Variants in DYNC1LI1 observed in about 807,000 individuals in gnomAD.
DYNC1LI1 encodes cytoplasmic dynein 1 light intermediate chain 1.
A neutral mutation model predicts 63.8 loss-of-function variants in DYNC1LI1; 19 were observed. That is an observed-to-expected ratio of 0.30 (90% CI 0.21 to 0.44). DYNC1LI1 has a LOEUF of 0.44. Ranked by LOEUF, DYNC1LI1 falls within the 20% of genes least tolerant of loss-of-function variation. The pLI, the probability that DYNC1LI1 is intolerant of heterozygous loss-of-function variation, is 1.00. For missense variants in DYNC1LI1, 565 were observed against 630.2 expected, an observed-to-expected ratio of 0.90 and a Z score of 1.11; for synonymous variants, 225 against 232.3, an observed-to-expected ratio of 0.97 and a Z score of 0.28.
At chr3:32,559,642 T>G (rs909075562) in intron 2 of DYNC1LI1, among the ~76,000 whole-genome samples, 6 of 152,320 alleles carry the variant, frequency 3.9e-5, no homozygotes, top group Middle Eastern at 3.4e-3. Context: ...CACATAATAC[T>G]TTAATGATAA....
chr3:32,533,231 A>C, intron 7 of DYNC1LI1, 134 bp from the exon 8 acceptor site: 1 of 1,335,672 alleles, frequency 7.5e-7, no homozygotes, highest in Non-Finnish European at 9.6e-7. Flanking sequence ...GCTTTTCATT[A>C]TGATGTCCAC....
chr3:32,547,448 T>C (rs995724224), intron 2 of DYNC1LI1, among the ~76,000 whole-genome samples: 7 of 152,206 alleles, frequency 4.6e-5, no homozygotes, highest in South Asian at 4.1e-4. Context: ...AATTTAAAAA[T>C]TGTCTTCATT....
chr3:32,552,639 CAT>C (rs1458896776), intron 2 of DYNC1LI1, among the ~76,000 whole-genome samples: 22 of 152,180 alleles, frequency 1.4e-4, no homozygotes, highest in African/African-American at 4.8e-4. Flanking sequence ...CTAAAAAGCA[CAT>C]GTGACAAACG....
intron 7 of DYNC1LI1, 22 bp downstream of exon 7, chr3:32,534,489 A>G: frequency 6.6e-7 from 1 of 1,507,632 alleles, no homozygotes. Context: ...TGATAAAATT[A>G]TATATTTAAG....
rs1195958030 is a variant in DYNC1LI1, at chr3:32,528,716, T to C, written c.1307-115A>G. 5.8e-6 allele frequency: 6 copies of C among 1,041,716 alleles called. No individual in the cohort carries two copies. In the East Asian group the frequency reaches 8.4e-5, roughly 15 times the overall value. 64.5% of individuals were successfully genotyped at this position (1,041,716 alleles called of 1,614,324 possible). On this transcript the variant is annotated intron_variant, in intron 11 of 12. Transcript: ENST00000273130. ...ATAAACTTAAATTTTAAGAGTTTTATATTCCAAATTCAAGTCTAGTTTGAT... is the reference window on the plus strand; with the variant it reads ...ATAAACTTAAATTTTAAGAGTTTTACATTCCAAATTCAAGTCTAGTTTGAT...
In DYNC1LI1 at chr3:32,570,834, G is replaced by A. The variant is rs901290443; in HGVS notation, c.-64C>T. On this transcript the variant is annotated 5_prime_UTR_variant, in exon 1 of 13. Transcript: ENST00000273130. ...GTGCGAGGCGGCTGAGGCGGTGGCG[G>A]TGGAGGCGGCGGGAACCCGGATATG... 20 of 1,544,692 alleles carry A rather than the reference G, an allele frequency of 1.3e-5. No individual in the cohort carries two copies. The highest frequency in any genetic ancestry group is 1.7e-4 in the Middle Eastern group (1 of 5,766).
intron 8 of DYNC1LI1, chr3:32,531,873 T>G (rs1299515723): frequency 6.6e-6 from 1 of 152,160 alleles, no homozygotes; most frequent in African/African-American, 2.4e-5. Context: ...TGGAAGTGTT[T>G]CAGATTGCTG....
chr3:32,528,391 T>C, intron 12 of DYNC1LI1, 55 bp downstream of exon 12: 6 of 1,598,216 alleles, frequency 3.8e-6, no homozygotes, highest in Non-Finnish European at 5.1e-6. Context: ...TGAACTTCAT[T>C]ATATCTCAAA....
chr3:32,544,962 G>T lies in DYNC1LI1; in HGVS notation c.482C>A (p.Ser161Tyr). Reference sequence around the variant, plus strand: ...AACAACACTTGCCCATTTCTGTAAAGAATCCAAAGCAGTCCAAGGCTTTGA... The same window carrying T: ...AACAACACTTGCCCATTTCTGTAAATAATCCAAAGCAGTCCAAGGCTTTGA... ...DMSKPWTALDSLQKWASVVRE... is the reference protein window; with the variant it reads ...DMSKPWTALDYLQKWASVVRE... The change falls in exon 4 of 13, where the codon TCT becomes TAT. Residue 161 changes from serine to tyrosine, a missense_variant. By Grantham distance (144) the Ser-to-Tyr change is moderately radical. Transcript: ENST00000273130. The T allele has an allele frequency of 3.1e-6, 5 of 1,614,042 alleles. No individual in the cohort carries two copies. Among genetic ancestry groups the T allele is most frequent in the Non-Finnish European group, 4.2e-6 (5 of 1,179,960 alleles).
intron 11 of DYNC1LI1, 102 bp downstream of exon 11, chr3:32,529,438 T>A (rs1697666352): frequency 3.5e-6 from 4 of 1,150,094 alleles, no homozygotes; most frequent in Non-Finnish European, 3.6e-6. Flanking sequence ...CTAAAAGGTA[T>A]TACACAAGAA....
chr3:32,561,018 A>C lies in DYNC1LI1; in HGVS notation c.220+9328T>G, dbSNP rs1321005771. ...ACTCCGTCTCAAAAAAAAAAAAAAA[A>C]AAAAAAAAAAAAAAACAAACAAAAA... On this transcript the variant is annotated intron_variant, in intron 2 of 12. Coordinates refer to ENST00000273130, the MANE Select transcript of DYNC1LI1 (RefSeq NM_016141.4). Among the ~76,000 whole-genome samples the C allele has an allele frequency of 9.5e-4, 107 of 112,320 alleles. 3 individuals carry two copies. Among genetic ancestry groups the C allele is most frequent in the African/African-American group, 3.6e-3 (104 of 28,566 alleles). 73.7% of individuals were successfully genotyped at this position (112,320 alleles called of 152,430 possible).
Position 32,548,758 on chromosome 3 carries a change from A to G in DYNC1LI1, c.221-2793T>C, listed in dbSNP as rs985747063. On this transcript the variant is annotated intron_variant, in intron 2 of 12. Coordinates refer to ENST00000273130, the MANE Select transcript of DYNC1LI1 (RefSeq NM_016141.4). ...GATTAGATTTAAGTGTTCTCACAAC[A>G]ATGACAACTATGTGAGGTAATACAT... Among the ~76,000 whole-genome samples the G allele has an allele frequency of 2.0e-5, 3 of 152,214 alleles. No homozygotes were observed. In the South Asian group the frequency reaches 6.2e-4, roughly 32 times the overall value.
Position 32,542,340 on chromosome 3 carries a change from A to G in DYNC1LI1, c.569-1134T>C, listed in dbSNP as rs139552887. Among the ~76,000 whole-genome samples the G allele has an allele frequency of 1.4e-3, 216 of 151,792 alleles. 2 individuals carry two copies. Among genetic ancestry groups the G allele is most frequent in the African/African-American group, 4.8e-3 (197 of 41,344 alleles). On this transcript the variant is annotated intron_variant, in intron 4 of 12. Coordinates refer to ENST00000273130, the MANE Select transcript of DYNC1LI1 (RefSeq NM_016141.4). Reference sequence around the variant, plus strand: ...TGGTCTCAAACTCTGGGCTCAAGCCATCCTCCCACCTCAGCATCCCAAAGT... The same window carrying G: ...TGGTCTCAAACTCTGGGCTCAAGCCGTCCTCCCACCTCAGCATCCCAAAGT...
chr3:32,537,902 TA>T (rs1559436057), intron 5 of DYNC1LI1, among the ~76,000 whole-genome samples: 582 of 49,996 alleles, frequency 0.012, 32 homozygotes, highest in African/African-American at 0.037. Flanking sequence ...ATATATATAA[TA>T]TATATATATA....
Position 32,570,790 on chromosome 3 carries a change from A to C in DYNC1LI1, c.-20T>G. 6.3e-7 allele frequency: 1 copy of C among 1,587,834 alleles called. No individual in the cohort carries two copies. The highest frequency in any genetic ancestry group is 1.4e-5 in the African/African-American group (1 of 72,688). Reference sequence around the variant, plus strand: ...CGCCATCTTGGTCGGGAATCACACCACTCCCGGCAAGACTAAATGTGCGAG... The same window carrying C: ...CGCCATCTTGGTCGGGAATCACACCCCTCCCGGCAAGACTAAATGTGCGAG... On this transcript the variant is annotated 5_prime_UTR_variant, in exon 1 of 13. Transcript: ENST00000273130.
At chr3:32,554,812 C>G (rs1484406911) in intron 2 of DYNC1LI1, among the ~76,000 whole-genome samples, 1 of 151,178 alleles carries the variant, frequency 6.6e-6, no homozygotes, top group South Asian at 2.1e-4. Flanking sequence ...ACCACTCTTC[C>G]TCCTCTCTCA....
At chr3:32,540,264 G>C (rs762641490) in intron 5 of DYNC1LI1, among the ~76,000 whole-genome samples, 2 of 152,064 alleles carry the variant, frequency 1.3e-5, no homozygotes, top group Non-Finnish European at 2.9e-5. Flanking sequence ...GGTCCTATCA[G>C]AACCTCTTTA....
chr3:32,531,533 T>C (rs1262551271), intron 8 of DYNC1LI1: 2 of 152,224 alleles, frequency 1.3e-5, no homozygotes, highest in South Asian at 2.1e-4. Flanking sequence ...CCTTCCCATT[T>C]AGCACTTAGA....
chr3:32,557,393 C>G (rs1248257770), intron 2 of DYNC1LI1, among the ~76,000 whole-genome samples: 2 of 151,520 alleles, frequency 1.3e-5, no homozygotes, highest in Non-Finnish European at 2.9e-5. Flanking sequence ...TGGTGGCGGG[C>G]ACTTTGTAAT....
Sources: allele counts gnomAD v4.1 joint callset (sites outside exome capture counted in the v4.1 genomes callset), GRCh38; gene constraint gnomAD v4.1.1; transcripts MANE v1.5; gene names NCBI Gene and HGNC (gene_info 2026-07-23, HGNC 2026-07-21).